Variants in NEMP2 observed in about 807,000 individuals in gnomAD.
NEMP2 encodes UPF0571 transmembrane protein.
In NEMP2, 53 loss-of-function variants were observed where a neutral mutation model predicts 54.2. The ratio of observed to expected loss-of-function variants is 0.98; its 90% CI spans 0.78 to 1.23. The LOEUF is 1.23. NEMP2 is among the 50% of genes most tolerant of loss of function. The pLI, the probability that NEMP2 is intolerant of heterozygous loss-of-function variation, is 0.00. For missense variants in NEMP2, 455 were observed against 511.3 expected (o/e 0.89, Z 1.06); for synonymous variants, 197 against 190.3 (o/e 1.04, Z -0.29).
At chr2:190,500,102 C>T (rs149142084), downstream of NEMP2, 11,312 of 1,614,216 alleles carry the variant, frequency 7.0e-3, 44 homozygotes, top group Non-Finnish European at 8.2e-3. This position sits in a 1 kb window ranked among gnomAD's most constrained non-coding sequence, Gnocchi z 5.3. Flanking sequence ...TAGAAACCAG[C>T]CATCCCCTGA....
the NEMP2 span, among the ~76,000 whole-genome samples, chr2:190,578,600 G>A: frequency 6.6e-6 from 1 of 152,166 alleles, no homozygotes; most frequent in East Asian, 1.9e-4. The surrounding 1 kb of genome is among the most constrained non-coding windows in gnomAD (Gnocchi z 4.4). Context: ...GGAGAAGACT[G>A]AGGGCATGAG....
rs568655867 is a variant in NEMP2 at position 190,527,660 on chromosome 2, C to T, written c.98-2282G>A. Among the ~76,000 whole-genome samples the T allele has an allele frequency of 6.6e-6, 1 of 152,172 alleles. No homozygotes were observed. The highest frequency in any genetic ancestry group is 2.1e-4 in the South Asian group (1 of 4,814). ...AACCTCTAGAGCAAAGGTCCCCAAC[C>T]CTGGGGCCAAGGACCAATACCAGTC... On this transcript the variant is annotated intron_variant, in intron 1 of 8. Transcript: ENST00000409150. This position sits in a 1 kb window ranked among gnomAD's most constrained non-coding sequence, Gnocchi z 4.0.
chr2:190,537,714 C>T (rs76331684), upstream of NEMP2, among the ~76,000 whole-genome samples: 57 of 152,210 alleles, frequency 3.7e-4, no homozygotes, highest in African/African-American at 1.1e-3. Context: ...TGCAGCCTGA[C>T]GATGCAATAG....
Position 190,525,054 on chromosome 2 carries a change from G to A in NEMP2, c.213+209C>T, listed in dbSNP as rs1227226009. ...ATTCATTGGGAGTGGCTTGGGAGGG[G>A]CTGAGGGAGAATATGAAGGAGTTAG... On this transcript the variant is annotated intron_variant, in intron 2 of 8. Transcript: ENST00000409150. This position sits in a 1 kb window ranked among gnomAD's most constrained non-coding sequence, Gnocchi z 5.0. Among the ~76,000 whole-genome samples, 1 of 152,216 alleles carries A rather than the reference G, an allele frequency of 6.6e-6. No individual in the cohort carries two copies. The highest frequency in any genetic ancestry group is 1.9e-4 in the East Asian group (1 of 5,186).
chr2:190,431,699 G>C, the NEMP2 span, among the ~76,000 whole-genome samples: 2 of 152,112 alleles, frequency 1.3e-5, no homozygotes, highest in African/African-American at 4.8e-5. This position sits in a 1 kb window ranked among gnomAD's most constrained non-coding sequence, Gnocchi z 4.4. Flanking sequence ...CGTGGAAAGA[G>C]AGGGAGAGGG....
the NEMP2 span, among the ~76,000 whole-genome samples, chr2:190,458,710 T>C: frequency 1.3e-5 from 2 of 152,166 alleles, no homozygotes; most frequent in East Asian, 3.9e-4. The surrounding 1 kb of genome is among the most constrained non-coding windows in gnomAD (Gnocchi z 5.3). Context: ...TCAGTGAAAG[T>C]GGCAAAAATC....
chr2:190,475,693 C>T, the NEMP2 span, among the ~76,000 whole-genome samples: 3 of 152,138 alleles, frequency 2.0e-5, no homozygotes, highest in African/African-American at 7.2e-5. Context: ...ACTTTCTTCA[C>T]AGAATTGGAA....
At position 190,523,519 on chromosome 2, in the gene NEMP2, T is replaced by A. The variant is rs1221655028; in HGVS notation, c.213+1744A>T. ...GGTTTCTAATAGGTAGATATAGATG[T>A]ATGTGCAGGCCTATGCGTGTGTATG... On this transcript the variant is annotated intron_variant, in intron 2 of 8. Transcript: ENST00000409150. The surrounding 1 kb of genome is among the most constrained non-coding windows in gnomAD (Gnocchi z 5.3). Among the ~76,000 whole-genome samples, 1 of 152,206 alleles carries A rather than the reference T, an allele frequency of 6.6e-6. No individual in the cohort carries two copies.
At chr2:190,588,291 G>T in the NEMP2 span, among the ~76,000 whole-genome samples, 2 of 152,114 alleles carry the variant, frequency 1.3e-5, no homozygotes, top group Non-Finnish European at 2.9e-5. This position sits in a 1 kb window ranked among gnomAD's most constrained non-coding sequence, Gnocchi z 5.0. Context: ...GGCTTTCAAT[G>T]GCCTAGATTA....
chr2:190,455,019 ATG>A, the NEMP2 span, among the ~76,000 whole-genome samples: 2 of 149,214 alleles, frequency 1.3e-5, no homozygotes, highest in African/African-American at 2.4e-5. Context: ...GTATATGTAT[ATG>A]TGTGTTGGTA....
At chr2:190,504,232 T>A (rs1403807908), downstream of NEMP2, 1 of 152,202 alleles carries the variant, frequency 6.6e-6, no homozygotes. The surrounding 1 kb of genome is among the most constrained non-coding windows in gnomAD (Gnocchi z 5.6). Flanking sequence ...GGTTGATGTT[T>A]AAAATGAGTT....
At chr2:190,542,725 T>C in the NEMP2 span, among the ~76,000 whole-genome samples, 1 of 152,244 alleles carries the variant, frequency 6.6e-6, no homozygotes, top group Non-Finnish European at 1.5e-5. The surrounding 1 kb of genome is among the most constrained non-coding windows in gnomAD (Gnocchi z 4.6). Flanking sequence ...AAGATTTCTA[T>C]TTGATTTTTA....
At chr2:190,473,536 T>C in the NEMP2 span, among the ~76,000 whole-genome samples, 1 of 152,124 alleles carries the variant, frequency 6.6e-6, no homozygotes, top group Non-Finnish European at 1.5e-5. Context: ...CCTAAATATA[T>C]ATGCACCCAA....
the NEMP2 span, among the ~76,000 whole-genome samples, chr2:190,432,713 G>T: frequency 6.6e-6 from 1 of 152,068 alleles, no homozygotes; most frequent in African/African-American, 2.4e-5. Flanking sequence ...CACCGCACCT[G>T]GCCAAAATCT....
At chr2:190,537,274 T>G (rs1192310369), upstream of NEMP2, among the ~76,000 whole-genome samples, 1 of 152,186 alleles carries the variant, frequency 6.6e-6, no homozygotes, top group Non-Finnish European at 1.5e-5. Flanking sequence ...ACCGGTGAAT[T>G]TGAATATAGG....
At chr2:190,575,387 T>TA in the NEMP2 span, among the ~76,000 whole-genome samples, 5 of 151,510 alleles carry the variant, frequency 3.3e-5, no homozygotes, top group East Asian at 1.9e-4. Flanking sequence ...TACTAAAGGT[T>TA]AAAAAAAAAG....
chr2:190,614,284 A>G, the NEMP2 span, among the ~76,000 whole-genome samples: 1 of 152,286 alleles, frequency 6.6e-6, no homozygotes, highest in Admixed American at 6.5e-5. This position sits in a 1 kb window ranked among gnomAD's most constrained non-coding sequence, Gnocchi z 5.7. Flanking sequence ...TTTTTTCCAA[A>G]CAAAGTCATT....
chr2:190,639,861 A>T, the NEMP2 span, among the ~76,000 whole-genome samples: 1 of 151,980 alleles, frequency 6.6e-6, no homozygotes, highest in Non-Finnish European at 1.5e-5. Flanking sequence ...TGTTAGCCAG[A>T]ATGGTCTCGA....
At chr2:190,567,557 G>C in the NEMP2 span, among the ~76,000 whole-genome samples, 1 of 152,120 alleles carries the variant, frequency 6.6e-6, no homozygotes, top group Non-Finnish European at 1.5e-5. This position sits in a 1 kb window ranked among gnomAD's most constrained non-coding sequence, Gnocchi z 4.0. Flanking sequence ...GCTAAGAGTA[G>C]GTATCAGAAT....
Sources: gnomAD v4.1 joint callset for allele counts (sites outside exome capture counted in the v4.1 genomes callset) on GRCh38, gnomAD v4.1.1 for gene constraint, Gnocchi (gnomAD v3.1) non-coding constraint, MANE v1.5 for transcripts, NCBI Gene and HGNC (gene_info 2026-07-23, HGNC 2026-07-21) for gene names.